The following AGMO variants were observed in gnomAD, a reference collection of about 807,000 sequenced individuals.
AGMO encodes the protein alkylglycerol monooxygenase.
AGMO carries 75 observed loss-of-function variants against 60.2 expected under a neutral mutation model. The ratio of observed to expected loss-of-function variants is 1.25; its 90% CI spans 1.03 to 1.51. AGMO has a LOEUF of 1.51. Among genes scored for constraint, AGMO ranks in the 40% most tolerant of loss-of-function variants. The pLI is 0.00. For synonymous variants in AGMO, 261 were observed against 177.1 expected, an observed-to-expected ratio of 1.47 and a Z score of -3.76; for missense variants, 763 against 525.5, an observed-to-expected ratio of 1.45 and a Z score of -4.42.
At chr7:15,247,100 C>A (rs1782763904) in intron 12 of AGMO, among the ~76,000 whole-genome samples, 1 of 151,704 alleles carries the variant, frequency 6.6e-6, no homozygotes, top group African/African-American at 2.4e-5. Flanking sequence ...CCACTGTGCC[C>A]AGCCTGAAAA....
At chr7:15,427,140 C>T (rs774709729) in intron 4 of AGMO, among the ~76,000 whole-genome samples, 2 of 152,080 alleles carry the variant, frequency 1.3e-5, no homozygotes, top group African/African-American at 2.4e-5. Flanking sequence ...ATTTGTTGCT[C>T]TTTATAATAC....
intron 12 of AGMO, among the ~76,000 whole-genome samples, chr7:15,319,200 TA>T (rs1403733437): frequency 1.3e-5 from 2 of 152,134 alleles, no homozygotes; most frequent in Admixed American, 6.6e-5. Flanking sequence ...AAAAAGCTAC[TA>T]AAAAAGTGAG....
intron 12 of AGMO, among the ~76,000 whole-genome samples, chr7:15,346,618 A>T (rs1320432715): frequency 2.6e-5 from 1 of 38,296 alleles, no homozygotes; most frequent in Non-Finnish European, 4.4e-5. Context: ...CTTAAAAAGT[A>T]AAAAAAAAAA....
chr7:15,429,287 GTTAAGA>G (rs1781162116), intron 4 of AGMO, among the ~76,000 whole-genome samples: 1 of 152,034 alleles, frequency 6.6e-6, no homozygotes, highest in African/African-American at 2.4e-5. Flanking sequence ...GAAATAATTA[GTTAAGA>G]TTATTAACTT....
chr7:15,473,212 C>T lies in AGMO; in HGVS notation c.410-42104G>A, dbSNP rs191772083. On this transcript the variant is annotated intron_variant, in intron 3 of 12. Transcript: ENST00000342526. Reference sequence around the variant, plus strand: ...GACTTAACCAGGAAGAAGTGGAATTCCTGAATAGACCAAAAGCAAGTTCTG... The same window carrying T: ...GACTTAACCAGGAAGAAGTGGAATTTCTGAATAGACCAAAAGCAAGTTCTG... 2.2e-4 allele frequency among the ~76,000 whole-genome samples: 33 copies of T among 151,984 alleles called. No homozygotes were observed. The East Asian group carries it at 5.0e-3, about 23-fold the overall frequency.
intron 9 of AGMO, 66 bp from the exon 10 acceptor site, chr7:15,385,628 TAA>T: frequency 3.4e-6 from 3 of 886,560 alleles, no homozygotes; most frequent in Non-Finnish European, 5.4e-6. Flanking sequence ...AAATTCACAC[TAA>T]GAGATATTTG....
chr7:15,419,002 G>A (rs1182552095), intron 4 of AGMO, among the ~76,000 whole-genome samples: 1 of 151,788 alleles, frequency 6.6e-6, no homozygotes, highest in Non-Finnish European at 1.5e-5. Flanking sequence ...AAAAAATGTA[G>A]GAATGGATGA....
intron 12 of AGMO, among the ~76,000 whole-genome samples, chr7:15,287,685 T>G (rs1272971734): frequency 6.6e-6 from 1 of 152,164 alleles, no homozygotes; most frequent in Non-Finnish European, 1.5e-5. Context: ...TAAAACTACT[T>G]ACATGTAGGC....
intron 3 of AGMO, among the ~76,000 whole-genome samples, chr7:15,437,408 G>A (rs907399146): frequency 6.6e-6 from 1 of 151,776 alleles, no homozygotes; most frequent in African/African-American, 2.4e-5. Flanking sequence ...AAATTAATTA[G>A]AATAAAATTT....
intron 3 of AGMO, among the ~76,000 whole-genome samples, chr7:15,497,446 T>A (rs1783262504): frequency 6.6e-6 from 1 of 152,122 alleles, no homozygotes; most frequent in Non-Finnish European, 1.5e-5. Context: ...ATATTTTAAA[T>A]TTTATGGAAT....
intron 12 of AGMO, among the ~76,000 whole-genome samples, chr7:15,263,577 C>T (rs559064477): frequency 2.6e-4 from 39 of 152,052 alleles, no homozygotes; most frequent in African/African-American, 8.0e-4. Flanking sequence ...GTTATCTACC[C>T]AGAGGAAAAG....
At chr7:15,503,396 CA>C (rs1272557123) in intron 3 of AGMO, among the ~76,000 whole-genome samples, 1 of 151,876 alleles carries the variant, frequency 6.6e-6, no homozygotes, top group Non-Finnish European at 1.5e-5. Context: ...GGTCACAGAG[CA>C]GGGATTTGAG....
intron 12 of AGMO, among the ~76,000 whole-genome samples, chr7:15,269,924 C>T (rs974140026): frequency 1.3e-5 from 2 of 152,060 alleles, no homozygotes; most frequent in African/African-American, 4.8e-5. Context: ...CTCCATGTTG[C>T]TGCAAAAGAC....
the AGMO span, among the ~76,000 whole-genome samples, chr7:15,164,979 T>C: frequency 1.3e-5 from 2 of 152,136 alleles, no homozygotes; most frequent in Admixed American, 1.3e-4. Context: ...AGTCATGTAA[T>C]TAACCTAAGA....
At position 15,310,525 on chromosome 7, in the gene AGMO, T is replaced by C. The variant is rs1430509328; in HGVS notation, c.1263+54989A>G. Among the ~76,000 whole-genome samples the C allele has an allele frequency of 5.3e-5, 8 of 152,180 alleles. No homozygotes were observed. In the South Asian group the frequency reaches 1.7e-3, roughly 32 times the overall value. The stretch of plus-strand genomic sequence containing the variant: ...ATTGGATCAGACAAAAAAGTCCTTA[T>C]TTTCCTATATCATGTTATTATAATA... On this transcript the variant is annotated intron_variant, in intron 12 of 12. Coordinates refer to ENST00000342526, the MANE Select transcript of AGMO (RefSeq NM_001004320.2).
intron 3 of AGMO, among the ~76,000 whole-genome samples, chr7:15,433,899 C>T (rs1179159200): frequency 1.3e-5 from 2 of 151,960 alleles, no homozygotes; most frequent in Admixed American, 1.3e-4. Context: ...ATTTGGCCAA[C>T]ATTTTATGTA....
intron 12 of AGMO, among the ~76,000 whole-genome samples, chr7:15,273,869 G>T (rs572663045): frequency 3.9e-5 from 6 of 151,940 alleles, no homozygotes; most frequent in African/African-American, 1.5e-4. Context: ...TAGGTATTTT[G>T]TTCTCTTTGA....
chr7:15,349,131 T>C (rs918593697), intron 12 of AGMO, among the ~76,000 whole-genome samples: 1 of 152,138 alleles, frequency 6.6e-6, no homozygotes, highest in South Asian at 2.1e-4. Flanking sequence ...ACAATAATCA[T>C]CTTGCTAAAT....
intron 3 of AGMO, among the ~76,000 whole-genome samples, chr7:15,463,841 C>G (rs1372194557): frequency 1.3e-5 from 2 of 152,128 alleles, no homozygotes; most frequent in Non-Finnish European, 2.9e-5. Flanking sequence ...ATGACCATTT[C>G]AAACAATTAT....
Sources: allele counts gnomAD v4.1 joint callset (sites outside exome capture counted in the v4.1 genomes callset), GRCh38; gene constraint gnomAD v4.1.1; transcripts MANE v1.5; gene names NCBI Gene and HGNC (gene_info 2026-07-23, HGNC 2026-07-21).